The following SORCS1 variants were observed in gnomAD, a reference collection of about 807,000 sequenced individuals.
The protein encoded by SORCS1 is VPS10 domain-containing receptor SorCS1.
In SORCS1, 60 loss-of-function variants were observed where a neutral mutation model predicts 146.1. The observed-to-expected ratio is 0.41, with a 90% CI of 0.33 to 0.51. SORCS1 has a LOEUF of 0.51. Among genes scored for constraint, SORCS1 ranks in the 20% least tolerant of loss-of-function variants. SORCS1 has a pLI of 0.21. For synonymous variants in SORCS1, 637 were observed against 584.0 expected (o/e 1.09, Z -1.31); for missense variants, 1,352 against 1,487.6 (o/e 0.91, Z 1.50).
At chr10:106,910,329 A>T (rs1952089512) in intron 2 of SORCS1, among the ~76,000 whole-genome samples, 1 of 106,160 alleles carries the variant, frequency 9.4e-6, no homozygotes, top group East Asian at 2.9e-4. Context: ...CAGTATATAT[A>T]TATAGAGAGT....
chr10:106,826,661 T>C (rs1040794207), intron 3 of SORCS1, among the ~76,000 whole-genome samples: 16 of 152,232 alleles, frequency 1.1e-4, no homozygotes, highest in Non-Finnish European at 2.1e-4. Context: ...GTCAACTTTA[T>C]TGATTTGTGT....
chr10:107,067,492 G>A (rs2134159409), intron 1 of SORCS1, among the ~76,000 whole-genome samples: 1 of 152,218 alleles, frequency 6.6e-6, no homozygotes, highest in Non-Finnish European at 1.5e-5. Context: ...ACATCCCGGT[G>A]TAATTGGTGT....
At chr10:107,092,072 G>A (rs1556760) in intron 1 of SORCS1, among the ~76,000 whole-genome samples, 1 of 152,028 alleles carries the variant, frequency 6.6e-6, no homozygotes, top group South Asian at 2.1e-4. Context: ...AGTTGATTTA[G>A]GAAGGAAGAT....
chr10:106,801,575 C>T (rs561566128), intron 3 of SORCS1, among the ~76,000 whole-genome samples: 1 of 140,018 alleles, frequency 7.1e-6, no homozygotes, highest in African/African-American at 2.7e-5. Context: ...GTCTCCCAGG[C>T]TGGAGTGCAG....
chr10:107,060,340 T>C lies in SORCS1; in HGVS notation c.558+103629A>G, dbSNP rs1004687553. 5.9e-5 allele frequency among the ~76,000 whole-genome samples: 9 copies of C among 152,182 alleles called. No homozygotes were observed. The highest frequency in any genetic ancestry group is 1.9e-4 in the African/African-American group (8 of 41,434). ...GGGTACTAGTACTGAGGAGGGTTCT[T>C]GCGAGATTAAAGTTAATTAAAAGAT... On this transcript the variant is annotated intron_variant, in intron 1 of 25. Coordinates refer to ENST00000263054, the MANE Select transcript of SORCS1 (RefSeq NM_052918.5). The surrounding 1 kb of genome is among the most constrained non-coding windows in gnomAD (Gnocchi z 4.1).
At chr10:106,760,736 C>G (rs12571999) in intron 5 of SORCS1, among the ~76,000 whole-genome samples, 1 of 150,632 alleles carries the variant, frequency 6.6e-6, no homozygotes, top group Admixed American at 6.6e-5. Flanking sequence ...CACACACACA[C>G]GCACATTTGG....
chr10:106,793,963 A>C (rs1277532790), intron 3 of SORCS1, among the ~76,000 whole-genome samples: 1 of 152,228 alleles, frequency 6.6e-6, no homozygotes, highest in Non-Finnish European at 1.5e-5. Flanking sequence ...GAAGCCACAG[A>C]ATGTATAACT....
chr10:106,829,366 T>C (rs1168409837), intron 3 of SORCS1, among the ~76,000 whole-genome samples: 1 of 152,230 alleles, frequency 6.6e-6, no homozygotes, highest in East Asian at 1.9e-4. Flanking sequence ...GGTAATGATC[T>C]ACCTATCCCT....
intron 6 of SORCS1, among the ~76,000 whole-genome samples, chr10:106,720,766 C>T (rs1855727212): frequency 6.6e-6 from 1 of 151,992 alleles, no homozygotes; most frequent in South Asian, 2.1e-4. Flanking sequence ...TTCTCTCAGC[C>T]TCAGCATGGA....
At chr10:107,127,988 G>A (rs1164733004) in intron 1 of SORCS1, among the ~76,000 whole-genome samples, 1 of 152,176 alleles carries the variant, frequency 6.6e-6, no homozygotes, top group Non-Finnish European at 1.5e-5. Flanking sequence ...CTATTTCACA[G>A]ATAGAATACA....
intron 2 of SORCS1, among the ~76,000 whole-genome samples, chr10:106,926,830 C>T (rs949242822): frequency 2.8e-3 from 61 of 21,488 alleles, no homozygotes; most frequent in Admixed American, 0.013. Flanking sequence ...AATATATATA[C>T]ACACACACAC....
chr10:106,834,752 G>T (rs1196309743), intron 2 of SORCS1, among the ~76,000 whole-genome samples: 1 of 152,120 alleles, frequency 6.6e-6, no homozygotes, highest in Non-Finnish European at 1.5e-5. Flanking sequence ...GACATATGCA[G>T]CCTTGAATTC....
chr10:106,876,051 A>G (rs1420337648), intron 2 of SORCS1, among the ~76,000 whole-genome samples: 1 of 152,052 alleles, frequency 6.6e-6, no homozygotes, highest in Non-Finnish European at 1.5e-5. Flanking sequence ...TTTATTATTT[A>G]TATTTTCTAG....
chr10:106,850,560 C>T (rs1042589604), intron 2 of SORCS1, among the ~76,000 whole-genome samples: 31 of 152,194 alleles, frequency 2.0e-4, no homozygotes, highest in Non-Finnish European at 3.1e-4. Flanking sequence ...GTTGCTCACG[C>T]TGGGAGCTGT....
chr10:107,033,714 C>T (rs7093634), intron 1 of SORCS1, among the ~76,000 whole-genome samples: 54,440 of 152,050 alleles, frequency 0.36, 9,782 homozygotes, highest in Admixed American at 0.41. Context: ...ATAAAGAAAG[C>T]GGCTAGAGTT....
intron 3 of SORCS1, among the ~76,000 whole-genome samples, chr10:106,806,636 C>A (rs1438324456): frequency 8.0e-5 from 12 of 149,912 alleles, no homozygotes; most frequent in Non-Finnish European, 3.0e-5. Flanking sequence ...CTGCCTCAGC[C>A]TCCCGAGTAG....
intron 1 of SORCS1, among the ~76,000 whole-genome samples, chr10:107,138,372 G>A (rs537792243): frequency 2.0e-5 from 3 of 152,124 alleles, no homozygotes; most frequent in Non-Finnish European, 2.9e-5. Context: ...TATTCTTTAC[G>A]AGGATCTATC....
chr10:106,937,593 C>T (rs987922890), intron 2 of SORCS1, among the ~76,000 whole-genome samples: 5 of 152,158 alleles, frequency 3.3e-5, no homozygotes, highest in African/African-American at 9.7e-5. Flanking sequence ...GCCTCCCCAA[C>T]CATGTGGACT....
At chr10:106,961,557 C>G (rs531118538) in intron 1 of SORCS1, among the ~76,000 whole-genome samples, 13 of 152,280 alleles carry the variant, frequency 8.5e-5, no homozygotes, top group Non-Finnish European at 1.8e-4. Flanking sequence ...GAATTCACCC[C>G]ACAGAAAGTG....
Sources: allele counts gnomAD v4.1 joint callset (sites outside exome capture counted in the v4.1 genomes callset), GRCh38; gene constraint gnomAD v4.1.1; non-coding constraint Gnocchi (gnomAD v3.1); transcripts MANE v1.5; gene names NCBI Gene and HGNC (gene_info 2026-07-23, HGNC 2026-07-21).